Variants in CARMIL1 observed in about 807,000 individuals in gnomAD.
CARMIL1 encodes F-actin-uncapping protein LRRC16A.
A neutral mutation model predicts 177.1 loss-of-function variants in CARMIL1; 90 were observed. The observed-to-expected ratio is 0.51, with a 90% CI of 0.43 to 0.61. CARMIL1 has a LOEUF of 0.61. CARMIL1 is among the 20% of genes least tolerant of loss of function. CARMIL1 has a pLI of 0.00. For missense variants in CARMIL1, 1,380 were observed against 1,667.0 expected, an observed-to-expected ratio of 0.83 and a Z score of 3.00; for synonymous variants, 577 against 606.2, an observed-to-expected ratio of 0.95 and a Z score of 0.71.
intron 33 of CARMIL1, among the ~76,000 whole-genome samples, chr6:25,601,407 G>A (rs1249298272): frequency 6.6e-6 from 1 of 152,128 alleles, no homozygotes; most frequent in Non-Finnish European, 1.5e-5. Flanking sequence ...CTCACATCTG[G>A]GGGAAAAGAC....
At chr6:25,341,345 C>G (rs1035528845) in intron 2 of CARMIL1, among the ~76,000 whole-genome samples, 3 of 152,136 alleles carry the variant, frequency 2.0e-5, no homozygotes, top group Non-Finnish European at 2.9e-5. Context: ...ATATTTGCAT[C>G]TGAGTGGAAC....
chr6:25,400,716 T>C (rs1342793365), intron 2 of CARMIL1, among the ~76,000 whole-genome samples: 3 of 152,236 alleles, frequency 2.0e-5, no homozygotes, highest in Non-Finnish European at 4.4e-5. Context: ...ACCCAAGTGA[T>C]GTCACACAGC....
chr6:25,356,122 A>G (rs2744239), intron 2 of CARMIL1, among the ~76,000 whole-genome samples: 8,752 of 150,252 alleles, frequency 0.058, 309 homozygotes, highest in African/African-American at 0.097. Context: ...CAGTGGCACA[A>G]TCTCGGCTCA....
intron 2 of CARMIL1, among the ~76,000 whole-genome samples, chr6:25,415,943 T>G (rs1429626059): frequency 8.2e-5 from 11 of 133,744 alleles, no homozygotes; most frequent in South Asian, 2.4e-4. Flanking sequence ...CGGGGTGGAG[T>G]GTGGGGGACA....
intron 8 of CARMIL1, chr6:25,452,154 A>T (rs748437552): frequency 2.6e-6 from 2 of 764,882 alleles, no homozygotes; most frequent in Non-Finnish European, 4.8e-6. Flanking sequence ...GGGACTACGG[A>T]AGATGGTGAA....
chr6:25,553,963 C>G (rs1810375166), intron 27 of CARMIL1, 46 bp from the exon 28 acceptor site: 1 of 1,292,400 alleles, frequency 7.7e-7, no homozygotes, highest in Non-Finnish European at 1.1e-6. Flanking sequence ...ATTTTCCCCT[C>G]TTGCACAAAT....
chr6:25,304,770 C>T (rs541728634), intron 2 of CARMIL1, among the ~76,000 whole-genome samples: 2 of 152,160 alleles, frequency 1.3e-5, no homozygotes, highest in African/African-American at 2.4e-5. Flanking sequence ...TTACAATGTT[C>T]CCTGCTCATA....
At position 25,411,763 on chromosome 6, in the gene CARMIL1, C is replaced by T. The variant is rs191212242; in HGVS notation, c.139-8351C>T. On this transcript the variant is annotated intron_variant, in intron 2 of 36. Transcript: ENST00000329474. The stretch of plus-strand genomic sequence containing the variant: ...TAGATTTCCTCTGAAACTAAACATC[C>T]GAATAGAAAACGAAACTCAGTGACT... Among the ~76,000 whole-genome samples, 322 of 152,202 alleles carry T rather than the reference C, an allele frequency of 2.1e-3. 1 individual carries two copies. Among genetic ancestry groups the T allele is most frequent in the African/African-American group, 7.5e-3 (313 of 41,526 alleles).
intron 2 of CARMIL1, among the ~76,000 whole-genome samples, chr6:25,373,412 T>C (rs889328252): frequency 6.8e-6 from 1 of 147,200 alleles, no homozygotes; most frequent in African/African-American, 2.5e-5. Context: ...TTTTTTTTGG[T>C]CTGTTCAGGA....
intron 2 of CARMIL1, among the ~76,000 whole-genome samples, chr6:25,415,620 C>T (rs1384938945): frequency 6.6e-6 from 1 of 152,102 alleles, no homozygotes; most frequent in Admixed American, 6.5e-5. Context: ...GTTTTTAAGA[C>T]TTATTAATTA....
intron 2 of CARMIL1, among the ~76,000 whole-genome samples, chr6:25,349,954 C>G (rs944889391): frequency 6.6e-6 from 1 of 152,104 alleles, no homozygotes; most frequent in East Asian, 1.9e-4. Flanking sequence ...GTCTCGATCT[C>G]CTGACCTCGT....
chr6:25,310,911 A>G (rs1561967052), intron 2 of CARMIL1, among the ~76,000 whole-genome samples: 1 of 152,156 alleles, frequency 6.6e-6, no homozygotes, highest in Admixed American at 6.5e-5. Context: ...AATGACTTCT[A>G]TAAAACATGG....
At chr6:25,513,536 G>T (rs1805654029) in intron 20 of CARMIL1, among the ~76,000 whole-genome samples, 1 of 152,198 alleles carries the variant, frequency 6.6e-6, no homozygotes, top group Non-Finnish European at 1.5e-5. Flanking sequence ...TAATATGCTT[G>T]TTGTCTCTTG....
Position 25,472,452 on chromosome 6 carries a change from G to A in CARMIL1, c.805G>A (p.Ala269Thr). The A allele has an allele frequency of 6.3e-7, 1 of 1,580,160 alleles. No individual in the cohort carries two copies. The highest frequency in any genetic ancestry group is 1.2e-5 in the South Asian group (1 of 85,688). Residue 269 changes from alanine (A) to threonine (T), a missense_variant, in exon 11 of 37, where the codon GCT becomes ACT. Ala to Thr is a moderately conservative substitution (Grantham distance 58). Transcript: ENST00000329474. ...AGATTTTGCACAAAAACTGGCCAGT[G>A]CTCTAGCACATAATCCCAACTCAGG... ...RTDFAQKLAS[A>T]LAHNPNSGLH...
At chr6:25,459,272 T>TCTCTCTCTCTCTC in intron 8 of CARMIL1, among the ~76,000 whole-genome samples, 1 of 134,978 alleles carries the variant, frequency 7.4e-6, no homozygotes, top group East Asian at 2.4e-4. Context: ...CTTTCTTTTT[T>TCTCTCTCTCTCTC]TTTTTTTTAA....
rs1187156592 is a variant in CARMIL1, at chr6:25,580,775, T to C, written c.2743-149T>C. 1.5e-5 allele frequency: 9 copies of C among 608,696 alleles called. No individual in the cohort carries two copies. The East Asian group carries it at 2.2e-4, about 15-fold the overall frequency. 37.7% of individuals were successfully genotyped at this position (608,696 alleles called of 1,614,324 possible). On this transcript the variant is annotated intron_variant, in intron 29 of 36. Coordinates refer to ENST00000329474, the MANE Select transcript of CARMIL1 (RefSeq NM_017640.6). ...GAAATTGTAAACATTTAGAAATAGT[T>C]TGGTCTCTTCAGTTAGGTTTTCAAT...
intron 2 of CARMIL1, among the ~76,000 whole-genome samples, chr6:25,335,362 A>G (rs1176087353): frequency 2.0e-5 from 3 of 152,246 alleles, no homozygotes; most frequent in Non-Finnish European, 4.4e-5. Flanking sequence ...GCTTTAAATT[A>G]TAAGGATGTG....
intron 2 of CARMIL1, among the ~76,000 whole-genome samples, chr6:25,414,935 A>T (rs547746562): frequency 4.1e-4 from 62 of 152,298 alleles, no homozygotes; most frequent in African/African-American, 1.4e-3. Flanking sequence ...TTTGATCTGT[A>T]TCCAACTTCT....
intron 2 of CARMIL1, among the ~76,000 whole-genome samples, chr6:25,298,942 CAG>C (rs981216145): frequency 6.6e-6 from 1 of 151,876 alleles, no homozygotes; most frequent in African/African-American, 2.4e-5. Context: ...TTAGTGGAGA[CAG>C]GGTTTCTCCA....
Sources: allele counts gnomAD v4.1 joint callset (sites outside exome capture counted in the v4.1 genomes callset), GRCh38; gene constraint gnomAD v4.1.1; transcripts MANE v1.5; gene names NCBI Gene and HGNC (gene_info 2026-07-23, HGNC 2026-07-21).